The following PDE1C variants were observed in gnomAD, a reference collection of about 807,000 sequenced individuals.
PDE1C encodes dual specificity calcium/calmodulin-dependent 3',5'-cyclic nucleotide phosphodiesterase 1C.
PDE1C carries 62 observed loss-of-function variants against 93.1 expected under a neutral mutation model. The ratio of observed to expected loss-of-function variants is 0.67; its 90% CI spans 0.54 to 0.82. The LOEUF (loss-of-function observed/expected upper bound fraction) is 0.82. Among genes scored for constraint, PDE1C ranks in the 40% least tolerant of loss-of-function variants. The pLI, the probability that PDE1C is intolerant of heterozygous loss-of-function variation, is 0.00. For missense variants in PDE1C, 742 were observed against 884.6 expected, an observed-to-expected ratio of 0.84 and a Z score of 2.04; for synonymous variants, 325 against 310.1, an observed-to-expected ratio of 1.05 and a Z score of -0.50.
At chr7:32,390,577 C>T (rs1429594006) in intron 1 of PDE1C, among the ~76,000 whole-genome samples, 1 of 150,912 alleles carries the variant, frequency 6.6e-6, no homozygotes, top group African/African-American at 2.4e-5. Context: ...CCAGTCACAC[C>T]AGTTCATCCC....
chr7:31,778,745 G>A (rs574870247), intron 16 of PDE1C, among the ~76,000 whole-genome samples: 74 of 152,294 alleles, frequency 4.9e-4, no homozygotes, highest in African/African-American at 1.1e-3. Flanking sequence ...CGTAGGCACC[G>A]TGAAATATAG....
intron 2 of PDE1C, among the ~76,000 whole-genome samples, chr7:31,962,995 T>G (rs1809255345): frequency 6.6e-6 from 1 of 152,204 alleles, no homozygotes; most frequent in South Asian, 2.1e-4. Flanking sequence ...AAATATATCT[T>G]GTTTATGGTG....
intron 2 of PDE1C, among the ~76,000 whole-genome samples, chr7:31,897,298 GT>G (rs1219734169): frequency 2.0e-5 from 3 of 152,162 alleles, no homozygotes; most frequent in African/African-American, 7.2e-5. Context: ...AAACGAGACA[GT>G]TTTTTTGTCA....
intron 1 of PDE1C, among the ~76,000 whole-genome samples, chr7:32,398,134 C>A (rs1784871163): frequency 6.7e-6 from 1 of 149,994 alleles, no homozygotes; most frequent in Non-Finnish European, 1.5e-5. Flanking sequence ...GCCTGGGCTG[C>A]AGAGCAAGAC....
At chr7:32,203,310 T>C (rs567630382) in intron 2 of PDE1C, among the ~76,000 whole-genome samples, 3 of 152,232 alleles carry the variant, frequency 2.0e-5, no homozygotes, top group South Asian at 4.1e-4. Context: ...ACTGATCTAG[T>C]AAAGTTCCCT....
chr7:31,707,329 C>T, the PDE1C span: 1 of 1,504,948 alleles, frequency 6.6e-7, no homozygotes, highest in South Asian at 1.2e-5. Flanking sequence ...GATTGGTTCC[C>T]TGTGGTGACC....
rs140569867 is a variant in PDE1C, at chr7:31,779,206, C to T, written c.1892-3474G>A. ...TTGTGTGGTAGAAATTTCCTTTTGT[C>T]GAACTAACGAAAAGTGTGGCATTCT... On this transcript the variant is annotated intron_variant, in intron 16 of 17. Coordinates refer to ENST00000396191, the MANE Select transcript of PDE1C (RefSeq NM_001191057.4). Among the ~76,000 whole-genome samples the T allele has an allele frequency of 1.8e-3, 280 of 152,196 alleles. 2 individuals are homozygous for T. The highest frequency in any genetic ancestry group is 2.7e-3 in the Non-Finnish European group (181 of 68,018).
intron 7 of PDE1C, among the ~76,000 whole-genome samples, chr7:31,853,797 C>T (rs1793648775): frequency 6.6e-6 from 1 of 151,866 alleles, no homozygotes; most frequent in Non-Finnish European, 1.5e-5. Flanking sequence ...GCAACCTCTG[C>T]CCCCAGGGCT....
At chr7:31,865,396 C>T (rs866612329) in intron 6 of PDE1C, among the ~76,000 whole-genome samples, 1 of 152,258 alleles carries the variant, frequency 6.6e-6, no homozygotes, top group Non-Finnish European at 1.5e-5. Flanking sequence ...TTAATACACA[C>T]ATAGAAAACT....
rs373713486 is a variant in PDE1C, at chr7:32,378,087, C to T, written c.310+49735G>A. Among the ~76,000 whole-genome samples, 22 of 152,336 alleles carry T rather than the reference C, an allele frequency of 1.4e-4. No homozygotes were observed. In the South Asian group the frequency reaches 3.1e-3, roughly 22 times the overall value. On this transcript the variant is annotated intron_variant, in intron 1 of 1. Transcript: ENST00000672256. ...ACTGAAAGGAATTGGATTTCTGTTACTTCTGTGGCATTGTGTTCTAACAGC... is the reference window on the plus strand; with the variant it reads ...ACTGAAAGGAATTGGATTTCTGTTATTTCTGTGGCATTGTGTTCTAACAGC...
At chr7:31,830,165 G>A (rs923616952) in intron 11 of PDE1C, among the ~76,000 whole-genome samples, 10 of 151,224 alleles carry the variant, frequency 6.6e-5, no homozygotes, top group South Asian at 6.3e-4. Flanking sequence ...AGAGGTACTT[G>A]AATTCCCTTT....
intron 2 of PDE1C, among the ~76,000 whole-genome samples, chr7:31,915,587 T>C (rs56954354): frequency 0.031 from 4,789 of 152,274 alleles, 240 homozygotes; most frequent in African/African-American, 0.11. Context: ...CTGGGTTTAG[T>C]TAGCCTTAAA....
chr7:31,904,853 T>C (rs1800398956), intron 2 of PDE1C, among the ~76,000 whole-genome samples: 1 of 152,182 alleles, frequency 6.6e-6, no homozygotes, highest in Admixed American at 6.6e-5. Context: ...TTTATCATCA[T>C]AAATTAAGAG....
chr7:32,189,281 AAGCTTATCTGTT>A (rs879669647), intron 2 of PDE1C, among the ~76,000 whole-genome samples: 4 of 152,216 alleles, frequency 2.6e-5, no homozygotes, highest in African/African-American at 7.2e-5. Flanking sequence ...ATTAGAACAA[AAGCTTATCTGTT>A]AGCAGTGAAA....
the PDE1C span, chr7:31,652,724 G>A: frequency 6.2e-7 from 1 of 1,613,936 alleles, no homozygotes. Context: ...CCACCTTGGA[G>A]AACAGCACCA....
At chr7:32,269,612 TGGG>T (rs1810832989) in intron 1 of PDE1C, among the ~76,000 whole-genome samples, 1 of 152,202 alleles carries the variant, frequency 6.6e-6, no homozygotes, top group Admixed American at 6.5e-5. Context: ...TCTGAGTAGC[TGGG>T]ACTACAGGCA....
intron 2 of PDE1C, among the ~76,000 whole-genome samples, chr7:31,905,219 A>C (rs147996252): frequency 6.4e-4 from 97 of 152,300 alleles, no homozygotes; most frequent in African/African-American, 2.3e-3. Context: ...TTTCAAACAT[A>C]AGAGAGAACA....
At chr7:32,307,500 T>G (rs1813038148) in intron 1 of PDE1C, among the ~76,000 whole-genome samples, 1 of 152,070 alleles carries the variant, frequency 6.6e-6, no homozygotes, top group African/African-American at 2.4e-5. Context: ...GAAATGAAGT[T>G]AGGAAAGAAA....
chr7:32,341,451 A>C (rs980617488), intron 1 of PDE1C, among the ~76,000 whole-genome samples: 19 of 151,912 alleles, frequency 1.3e-4, no homozygotes, highest in African/African-American at 4.6e-4. Flanking sequence ...CTGGGATTAC[A>C]GGCGTGAGCC....
Sources: allele counts gnomAD v4.1 joint callset (sites outside exome capture counted in the v4.1 genomes callset), GRCh38; gene constraint gnomAD v4.1.1; transcripts MANE v1.5; gene names NCBI Gene and HGNC (gene_info 2026-07-23, HGNC 2026-07-21).